Variants in CMSS1 observed in about 807,000 individuals in gnomAD.
The protein encoded by CMSS1 is protein CMSS1.
A neutral mutation model predicts 43.5 loss-of-function variants in CMSS1; 33 were observed. The ratio of observed to expected loss-of-function variants is 0.76; its 90% CI spans 0.57 to 1.01. The LOEUF (loss-of-function observed/expected upper bound fraction) is 1.01, where lower values mean the gene tolerates loss of function less well. Ranked by LOEUF, CMSS1 falls within the 50% of genes least tolerant of loss-of-function variation. The pLI is 0.00. For missense variants in CMSS1, 313 were observed against 326.4 expected (o/e 0.96, Z 0.32); for synonymous variants, 115 against 117.2 (o/e 0.98, Z 0.12).
At chr3:99,855,563 C>T (rs1227672753) in intron 1 of CMSS1, among the ~76,000 whole-genome samples, 3 of 152,236 alleles carry the variant, frequency 2.0e-5, no homozygotes, top group South Asian at 2.1e-4. Flanking sequence ...AAAGCCTGTG[C>T]GATTTCCCCA....
rs1422304182 is a variant in CMSS1, at chr3:100,181,471, T to C, written c.*3083T>C. On this transcript the variant is annotated 3_prime_UTR_variant, in exon 10 of 10. Coordinates refer to ENST00000421999, the MANE Select transcript of CMSS1 (RefSeq NM_032359.4). ...CTGTATAATTAACTAAACTACAGAG[T>C]TTATTTGGATTTCTCCAATTTTTCC... The C allele has an allele frequency of 6.6e-6, 1 of 152,144 alleles. No homozygotes were observed. Among genetic ancestry groups the C allele is most frequent in the Non-Finnish European group, 1.5e-5 (1 of 68,024 alleles). The allele number at this position is 152,144 out of a possible 1,614,324, so 9.4% of individuals were successfully genotyped here. A position where few individuals can be genotyped will look rare whatever the true frequency, so the allele number is the denominator to read the frequency against.
Position 100,176,425 on chromosome 3 carries a change from A to T in CMSS1, c.756+10A>T. ...GATGGACATTCCCGAGGTACCACGTAACCAGCAGTTGCCTTTAATCATTTT... is the reference window on the plus strand; with the variant it reads ...GATGGACATTCCCGAGGTACCACGTTACCAGCAGTTGCCTTTAATCATTTT... On this transcript the variant is annotated intron_variant, in intron 9 of 9. Coordinates refer to ENST00000421999, the MANE Select transcript of CMSS1 (RefSeq NM_032359.4). 6.3e-7 allele frequency: 1 copy of T among 1,578,910 alleles called. No individual in the cohort carries two copies. The highest frequency in any genetic ancestry group is 8.7e-7 in the Non-Finnish European group (1 of 1,148,624).
chr3:99,887,903 G>A (rs901686665), intron 1 of CMSS1, among the ~76,000 whole-genome samples: 4 of 151,910 alleles, frequency 2.6e-5, no homozygotes, highest in Non-Finnish European at 4.4e-5. Flanking sequence ...CACCACACCT[G>A]GCTAATTTTT....
At chr3:100,168,520 C>T (rs1183338794) in intron 6 of CMSS1, among the ~76,000 whole-genome samples, 1 of 152,016 alleles carries the variant, frequency 6.6e-6, no homozygotes, top group African/African-American at 2.4e-5. Flanking sequence ...ATAATAAGAC[C>T]CCATCTCCAT....
At chr3:100,044,738 G>T (rs1256131060) in intron 1 of CMSS1, among the ~76,000 whole-genome samples, 2 of 152,128 alleles carry the variant, frequency 1.3e-5, no homozygotes, top group African/African-American at 4.8e-5. Context: ...TCTGATTATT[G>T]TACCTCATCA....
At chr3:99,850,335 A>G (rs1319971437) in intron 1 of CMSS1, 1 of 1,612,628 alleles carries the variant, frequency 6.2e-7, no homozygotes, top group Non-Finnish European at 8.5e-7. Context: ...CTTTTTCTAA[A>G]TTGCATTTCA....
chr3:100,070,753 TC>T (rs1195960915), intron 1 of CMSS1, among the ~76,000 whole-genome samples: 6 of 152,098 alleles, frequency 3.9e-5, no homozygotes, highest in South Asian at 2.1e-4. Context: ...TGCCTCAGCC[TC>T]CCAAGTAGCT....
At chr3:100,123,065 A>G (rs1030803605) in intron 1 of CMSS1, among the ~76,000 whole-genome samples, 1 of 152,244 alleles carries the variant, frequency 6.6e-6, no homozygotes, top group East Asian at 1.9e-4. Context: ...TGTAAAGTCT[A>G]TGGGAAGGAT....
intron 1 of CMSS1, among the ~76,000 whole-genome samples, chr3:99,862,124 C>T (rs928694026): frequency 9.2e-5 from 14 of 152,220 alleles, no homozygotes; most frequent in Admixed American, 3.3e-4. Context: ...GTAACAAATA[C>T]GCTAATTAGC....
intron 1 of CMSS1, among the ~76,000 whole-genome samples, chr3:99,940,577 C>T (rs1223872408): frequency 2.0e-5 from 3 of 152,266 alleles, no homozygotes; most frequent in African/African-American, 7.2e-5. Context: ...CTCTTGCCTA[C>T]ATCTCTGTTG....
At chr3:100,128,189 G>C (rs928004036) in intron 1 of CMSS1, among the ~76,000 whole-genome samples, 1 of 152,298 alleles carries the variant, frequency 6.6e-6, no homozygotes, top group East Asian at 1.9e-4. Context: ...GTTCTGGAAC[G>C]TTCTTTTCCT....
intron 1 of CMSS1, among the ~76,000 whole-genome samples, chr3:99,973,913 T>G (rs1708894750): frequency 6.6e-6 from 1 of 152,226 alleles, no homozygotes; most frequent in Non-Finnish European, 1.5e-5. Flanking sequence ...GATAAATAAC[T>G]TTTCAAAGAT....
intron 1 of CMSS1, among the ~76,000 whole-genome samples, chr3:99,868,165 G>T (rs1447525779): frequency 6.6e-6 from 1 of 152,168 alleles, no homozygotes; most frequent in East Asian, 1.9e-4. Context: ...ACCTGCTCAG[G>T]AAGTTGTTTC....
intron 1 of CMSS1, among the ~76,000 whole-genome samples, chr3:99,893,026 G>A (rs1333221544): frequency 6.6e-6 from 1 of 152,160 alleles, no homozygotes; most frequent in Non-Finnish European, 1.5e-5. Flanking sequence ...GAGTGGCAAT[G>A]CCTTGCTAAG....
chr3:100,034,167 G>A (rs1229950699), intron 1 of CMSS1, among the ~76,000 whole-genome samples: 3 of 152,132 alleles, frequency 2.0e-5, no homozygotes, highest in Admixed American at 2.0e-4. Flanking sequence ...ATTCCATTGT[G>A]GGGAAAGTTC....
intron 1 of CMSS1, among the ~76,000 whole-genome samples, chr3:99,908,476 A>G (rs1430546236): frequency 5.9e-5 from 9 of 152,202 alleles, no homozygotes; most frequent in Non-Finnish European, 1.0e-4. Flanking sequence ...CCAGGAATCT[A>G]TACTTTTAAG....
At chr3:100,018,509 A>C (rs887440151) in intron 1 of CMSS1, among the ~76,000 whole-genome samples, 2 of 152,206 alleles carry the variant, frequency 1.3e-5, no homozygotes, top group Non-Finnish European at 2.9e-5. Flanking sequence ...CACATGCAGA[A>C]GAATGAAATT....
chr3:100,178,933 G>A lies in CMSS1; in HGVS notation c.*545G>A, dbSNP rs115896580. The A allele has an allele frequency of 0.01, 1,587 of 155,066 alleles. 17 individuals carry two copies. The highest frequency in any genetic ancestry group is 0.036 in the African/African-American group (1,504 of 41,580). 9.6% of individuals were successfully genotyped at this position (155,066 alleles called of 1,614,324 possible). A position where few individuals can be genotyped will look rare whatever the true frequency, so the allele number is the denominator to read the frequency against. On this transcript the variant is annotated 3_prime_UTR_variant, in exon 10 of 10. Transcript: ENST00000421999. ...GTTTAATTGACTCACAGTTTCACAG[G>A]CTGTACAGGAGGCATGGCTGAGAGG...
At chr3:99,933,927 T>C (rs1383370510) in intron 1 of CMSS1, among the ~76,000 whole-genome samples, 1 of 152,204 alleles carries the variant, frequency 6.6e-6, no homozygotes. Context: ...TAAATAACAA[T>C]GGCTCAGAAT....
Sources: allele counts gnomAD v4.1 joint callset (sites outside exome capture counted in the v4.1 genomes callset), GRCh38; gene constraint gnomAD v4.1.1; transcripts MANE v1.5; gene names NCBI Gene and HGNC (gene_info 2026-07-23, HGNC 2026-07-21).